Variants in SPIRE1 observed in about 807,000 individuals in gnomAD.
SPIRE1 encodes protein spire homolog 1.
Under a neutral mutation model 94.1 loss-of-function variants are expected in SPIRE1, and 40 were observed. The observed-to-expected ratio is 0.43, with a 90% CI of 0.33 to 0.55. The LOEUF (loss-of-function observed/expected upper bound fraction) is 0.55. SPIRE1 is among the 20% of genes least tolerant of loss of function. The pLI is 0.06. For synonymous variants in SPIRE1, 376 were observed against 371.7 expected, an observed-to-expected ratio of 1.01 and a Z score of -0.13; for missense variants, 838 against 975.2, an observed-to-expected ratio of 0.86 and a Z score of 1.87.
intron 2 of SPIRE1, among the ~76,000 whole-genome samples, chr18:12,611,748 A>G (rs1455240149): frequency 6.6e-6 from 1 of 152,026 alleles, no homozygotes; most frequent in African/African-American, 2.4e-5. Flanking sequence ...ACTCAGCCTC[A>G]ACTTCCCAGG....
chr18:12,638,362 T>C (rs1393974059), intron 1 of SPIRE1, among the ~76,000 whole-genome samples: 1 of 152,200 alleles, frequency 6.6e-6, no homozygotes, highest in Non-Finnish European at 1.5e-5. Flanking sequence ...GAGGATCACT[T>C]GAGCCCAGGA....
Position 12,498,119 on chromosome 18 carries a change from A to G in SPIRE1, c.973-2017T>C, listed in dbSNP as rs142401974. ...CATTATACTTATCAAAAAATCTGAAATGTTCCAATGAGAATGTCTTTTGAG... is the reference window on the plus strand; with the variant it reads ...CATTATACTTATCAAAAAATCTGAAGTGTTCCAATGAGAATGTCTTTTGAG... On this transcript the variant is annotated intron_variant, in intron 6 of 16. Coordinates refer to ENST00000409402, the MANE Select transcript of SPIRE1 (RefSeq NM_001128626.2). Among the ~76,000 whole-genome samples, 480 of 152,324 alleles carry G rather than the reference A, an allele frequency of 3.2e-3. 1 individual carries two copies. The highest frequency in any genetic ancestry group is 0.011 in the African/African-American group (449 of 41,568).
chr18:12,458,654 C>A (rs1205272241), intron 12 of SPIRE1, among the ~76,000 whole-genome samples: 2 of 152,046 alleles, frequency 1.3e-5, no homozygotes, highest in Non-Finnish European at 2.9e-5. Context: ...AAAGTGAATC[C>A]TTTCTTTGCC....
chr18:12,459,491 G>A (rs1383705033), intron 12 of SPIRE1, among the ~76,000 whole-genome samples: 1 of 152,236 alleles, frequency 6.6e-6, no homozygotes, highest in Admixed American at 6.5e-5. Context: ...CACTGACTCT[G>A]CTATACAATT....
intron 2 of SPIRE1, among the ~76,000 whole-genome samples, chr18:12,580,329 C>CT (rs1366484360): frequency 9.4e-4 from 139 of 147,900 alleles, no homozygotes; most frequent in Non-Finnish European, 1.2e-3. Flanking sequence ...CTCTCTCTCT[C>CT]TTTTTTTTTT....
chr18:12,650,876 C>CAAAA (rs34966832), intron 1 of SPIRE1, among the ~76,000 whole-genome samples: 2 of 74,228 alleles, frequency 2.7e-5, no homozygotes, highest in Non-Finnish European at 5.3e-5. Context: ...GACCCTGTCT[C>CAAAA]AAAAAAAAAA....
In SPIRE1 at chr18:12,449,446, G is replaced by A. The variant is rs1019367849; in HGVS notation, c.*192C>T. ...CTCTCAGTGCAAACGAGCAATTGGC[G>A]GACCTGTCACGTTTCATCAATCGAT... On this transcript the variant is annotated 3_prime_UTR_variant, in exon 17 of 17. Coordinates refer to ENST00000409402, the MANE Select transcript of SPIRE1 (RefSeq NM_001128626.2). The A allele has an allele frequency of 1.5e-4, 94 of 624,200 alleles. 1 individual carries two copies. Among genetic ancestry groups the A allele is most frequent in the South Asian group, 1.5e-3 (72 of 48,008 alleles). The allele number at this position is 624,200 out of a possible 1,614,324, so 38.7% of individuals were successfully genotyped here.
chr18:12,650,021 T>G (rs1321551229), intron 1 of SPIRE1, among the ~76,000 whole-genome samples: 1 of 151,928 alleles, frequency 6.6e-6, no homozygotes, highest in Non-Finnish European at 1.5e-5. Context: ...AGGCAGATAC[T>G]TGAGGCCCAG....
rs2035478431 is a variant in SPIRE1 at position 12,555,489 on chromosome 18, T to C, written c.373-8585A>G. 2.6e-5 allele frequency among the ~76,000 whole-genome samples: 4 copies of C among 152,280 alleles called. No homozygotes were observed. In the South Asian group the frequency reaches 8.3e-4, roughly 32 times the overall value. On this transcript the variant is annotated intron_variant, in intron 2 of 16. Transcript: ENST00000409402. ...ATTCATCCTAACCAAGTGGGATTTTTCCCAGGGATGCAAAGATGGTTCAAC... is the reference window on the plus strand; with the variant it reads ...ATTCATCCTAACCAAGTGGGATTTTCCCCAGGGATGCAAAGATGGTTCAAC...
intron 3 of SPIRE1, among the ~76,000 whole-genome samples, chr18:12,543,916 A>C (rs947600375): frequency 6.6e-6 from 1 of 152,240 alleles, no homozygotes; most frequent in Non-Finnish European, 1.5e-5. Context: ...CCACAAACTC[A>C]TATCTGCACT....
chr18:12,632,045 CA>C (rs36021269), intron 2 of SPIRE1, among the ~76,000 whole-genome samples: 81,773 of 143,182 alleles, frequency 0.57, 23,445 homozygotes, highest in Middle Eastern at 0.76. Flanking sequence ...ACTCTGTCTC[CA>C]AAAAAAAAAA....
intron 7 of SPIRE1, among the ~76,000 whole-genome samples, chr18:12,494,305 G>C (rs754997406): frequency 6.6e-6 from 1 of 151,924 alleles, no homozygotes; most frequent in Non-Finnish European, 1.5e-5. Flanking sequence ...TTTTATAATT[G>C]AGGAAATAAA....
intron 5 of SPIRE1, among the ~76,000 whole-genome samples, chr18:12,511,208 C>G (rs2144027710): frequency 6.6e-6 from 1 of 152,284 alleles, no homozygotes; most frequent in Middle Eastern, 3.4e-3. Context: ...TATGTTAAGG[C>G]AGGGGTTTGC....
intron 2 of SPIRE1, among the ~76,000 whole-genome samples, chr18:12,561,592 A>T (rs1369291328): frequency 6.6e-6 from 1 of 152,168 alleles, no homozygotes; most frequent in Non-Finnish European, 1.5e-5. Flanking sequence ...CAAGACCACC[A>T]TCAGCACTAT....
intron 2 of SPIRE1, among the ~76,000 whole-genome samples, chr18:12,616,905 G>T (rs1438528331): frequency 3.3e-5 from 5 of 152,072 alleles, no homozygotes; most frequent in Non-Finnish European, 7.3e-5. Flanking sequence ...TGTCGCCCAG[G>T]CTGGAGTGCA....
At chr18:12,526,182 C>T (rs750800563) in intron 4 of SPIRE1, among the ~76,000 whole-genome samples, 4 of 151,904 alleles carry the variant, frequency 2.6e-5, no homozygotes, top group Non-Finnish European at 4.4e-5. Flanking sequence ...CCATCAGATG[C>T]TTGTATAGTA....
chr18:12,572,744 C>G (rs554038850), intron 2 of SPIRE1, among the ~76,000 whole-genome samples: 49 of 152,246 alleles, frequency 3.2e-4, no homozygotes, highest in African/African-American at 1.2e-3. Flanking sequence ...ATAGAGTCAA[C>G]TGATATTTCA....
At chr18:12,646,999 G>A (rs946256979) in intron 1 of SPIRE1, among the ~76,000 whole-genome samples, 25 of 150,136 alleles carry the variant, frequency 1.7e-4, no homozygotes, top group Non-Finnish European at 2.8e-4. Context: ...AGCCAAGATC[G>A]CAGGATTGCC....
chr18:12,475,274 TACTG>T (rs1451352886), intron 10 of SPIRE1, among the ~76,000 whole-genome samples: 1 of 152,232 alleles, frequency 6.6e-6, no homozygotes, highest in Non-Finnish European at 1.5e-5. Context: ...CTGTGGTGTT[TACTG>T]ACTCACTGAA....
Sources: allele counts gnomAD v4.1 joint callset (sites outside exome capture counted in the v4.1 genomes callset), GRCh38; gene constraint gnomAD v4.1.1; transcripts MANE v1.5; gene names NCBI Gene and HGNC (gene_info 2026-07-23, HGNC 2026-07-21).